PCNT: variants seen among roughly 807,000 people sequenced by gnomAD.
The protein encoded by PCNT is kendrin.
In PCNT, 319 loss-of-function variants were observed where a neutral mutation model predicts 380.4. That is an observed-to-expected ratio of 0.84 (90% CI 0.77 to 0.92). The LOEUF is 0.92. Ranked by LOEUF, PCNT falls within the 40% of genes least tolerant of loss-of-function variation. The pLI, the probability that PCNT is intolerant of heterozygous loss-of-function variation, is 0.00. For synonymous variants in PCNT, 1,845 were observed against 1,735.2 expected, an observed-to-expected ratio of 1.06 and a Z score of -1.57; for missense variants, 4,400 against 4,255.3, an observed-to-expected ratio of 1.03 and a Z score of -0.95.
rs1321370180 is a variant in PCNT at position 46,331,024 on chromosome 21, GTGTT to G, written c.268-3369_268-3366del. Among the ~76,000 whole-genome samples, 16 of 151,780 alleles carry G rather than the reference GTGTT, an allele frequency of 1.1e-4. 1 individual carries two copies. The highest frequency in any genetic ancestry group is 4.1e-4 in the South Asian group (2 of 4,824). ...GAACAGCATAAGAAGATAAGTGTGT[GTGTT>G]TGTGTGTGTGTGAGAGTGTGTGTAT... On this transcript the variant is annotated intron_variant, in intron 2 of 46. Coordinates refer to ENST00000359568, the MANE Select transcript of PCNT (RefSeq NM_006031.6).
In PCNT at chr21:46,353,122, T is replaced by C. The variant is rs776415290; in HGVS notation, c.1475T>C (p.Leu492Pro). 1 of 1,613,976 alleles carries C rather than the reference T, an allele frequency of 6.2e-7. No homozygotes were observed. Among genetic ancestry groups the C allele is most frequent in the South Asian group, 1.1e-5 (1 of 91,084 alleles). ...QELSELHEQL[L>P]ARTSRVEDLE... Reference sequence around the variant, plus strand: ...GTTGCAGAGCTACATGAGCAACTCCTGGCGCGCACCTCTCGTGTGGAAGAT... The same window carrying C: ...GTTGCAGAGCTACATGAGCAACTCCCGGCGCGCACCTCTCGTGTGGAAGAT... Residue 492 changes from leucine to proline, a missense_variant, in exon 10 of 47, where the codon CTG becomes CCG. Coordinates refer to ENST00000359568, the MANE Select transcript of PCNT (RefSeq NM_006031.6).
intron 5 of PCNT, 84 bp from the exon 6 acceptor site, chr21:46,347,373 C>T (rs898856069): frequency 8.0e-6 from 11 of 1,380,532 alleles, no homozygotes; most frequent in Non-Finnish European, 1.1e-5. Flanking sequence ...CAGTGGGTGC[C>T]AGAGCCTGGT....
intron 16 of PCNT, among the ~76,000 whole-genome samples, chr21:46,384,811 G>T (rs901678765): frequency 6.8e-6 from 1 of 147,514 alleles, no homozygotes; most frequent in South Asian, 2.2e-4. Flanking sequence ...GGTGTTGTGC[G>T]TTGAGCGGCG....
At chr21:46,325,487 G>A (rs2083355639) in intron 1 of PCNT, among the ~76,000 whole-genome samples, 1 of 152,224 alleles carries the variant, frequency 6.6e-6, no homozygotes, top group Non-Finnish European at 1.5e-5. Context: ...GGTGGAGGAG[G>A]ACATGAAAAT....
intron 15 of PCNT, among the ~76,000 whole-genome samples, chr21:46,370,950 G>A (rs1379912774): frequency 6.6e-6 from 1 of 152,206 alleles, no homozygotes; most frequent in Non-Finnish European, 1.5e-5. Context: ...CAGGAGAGTG[G>A]TGTGAACCCG....
chr21:46,388,856 C>T lies in PCNT; in HGVS notation c.3579C>T (p.Asp1193=), dbSNP rs141834183. 30 of 1,608,980 alleles carry T rather than the reference C, an allele frequency of 1.9e-5. No individual in the cohort carries two copies. The highest frequency in any genetic ancestry group is 6.7e-5 in the Admixed American group (4 of 59,896). The change falls in exon 18 of 47, where the codon GAC becomes GAT. Residue 1193 remains aspartate, a synonymous_variant. Transcript: ENST00000359568. The surrounding 1 kb of genome is among the most constrained non-coding windows in gnomAD (Gnocchi z 4.2). ...AGCGCGTGGGGCTCTGCCTGGATGA[C>T]GCGGGCGCAGGCCTGGCCCTGTCGA... ...IGERVGLCLD[D]AGAGLALSTA...
Position 46,413,302 on chromosome 21 carries a change from C to G in PCNT, c.6150+310C>G, listed in dbSNP as rs59956338. 2.8e-3 allele frequency among the ~76,000 whole-genome samples: 190 copies of G among 68,328 alleles called. 21 individuals carry two copies. Among genetic ancestry groups the G allele is most frequent in the Non-Finnish European group, 4.0e-3 (142 of 35,870 alleles). 44.8% of individuals were successfully genotyped at this position (68,328 alleles called of 152,430 possible). ...ACACGCGGCAGCAAGGTGTGGGGAA[C>G]GGGGAAGGCACGAGGCCCACCCGGG... On this transcript the variant is annotated intron_variant, in intron 29 of 46. Coordinates refer to ENST00000359568, the MANE Select transcript of PCNT (RefSeq NM_006031.6).
chr21:46,427,978 C>T lies in PCNT; in HGVS notation c.7494+183C>T, dbSNP rs572437634. Among the ~76,000 whole-genome samples the T allele has an allele frequency of 5.3e-5, 8 of 152,350 alleles. No homozygotes were observed. In the South Asian group the frequency reaches 1.7e-3, roughly 32 times the overall value. On this transcript the variant is annotated intron_variant, in intron 34 of 46. Transcript: ENST00000359568. ...CATGCAGGATGCTGCACTTTTCCAC[C>T]TGCAGCTGTAACAGGACAGGTGTGC...
chr21:46,325,002 C>G lies in PCNT; in HGVS notation c.54+720C>G, dbSNP rs929261226. On this transcript the variant is annotated intron_variant, in intron 1 of 46. Coordinates refer to ENST00000359568, the MANE Select transcript of PCNT (RefSeq NM_006031.6). The stretch of plus-strand genomic sequence containing the variant: ...CGGGCCTGGCGTACGCTGCCGGGAA[C>G]CCACGCGGCGCTGGCGCCGGGCGCC... 5 of 984,494 alleles carry G rather than the reference C, an allele frequency of 5.1e-6. No individual in the cohort carries two copies. The African/African-American group carries it at 8.7e-5, about 17-fold the overall frequency. The allele number at this position is 984,494 out of a possible 1,614,324, so 61.0% of individuals were successfully genotyped here.
chr21:46,352,654 T>C (rs962727147), intron 9 of PCNT, among the ~76,000 whole-genome samples: 1 of 152,338 alleles, frequency 6.6e-6, no homozygotes, highest in East Asian at 1.9e-4. Context: ...CTTGGTGGCC[T>C]AAAACAACAC....
intron 45 of PCNT, 43 bp downstream of exon 45, chr21:46,443,991 C>T (rs761095417): frequency 3.8e-5 from 60 of 1,597,968 alleles, no homozygotes; most frequent in Non-Finnish European, 4.9e-5. Context: ...CCAGGGCTCT[C>T]CCTCCAGCCT....
chr21:46,336,881 C>T (rs1569165999), intron 3 of PCNT, among the ~76,000 whole-genome samples: 1 of 128,450 alleles, frequency 7.8e-6, no homozygotes, highest in African/African-American at 2.6e-5. Context: ...TTCATTCTGC[C>T]CTCCCCCCCA....
intron 21 of PCNT, among the ~76,000 whole-genome samples, chr21:46,391,678 C>T (rs1298382530): frequency 1.3e-5 from 2 of 152,110 alleles, no homozygotes; most frequent in East Asian, 1.9e-4. Flanking sequence ...GAGGCAGAGC[C>T]GAGTGCGGCA....
chr21:46,432,599 C>T (rs1314927623), intron 38 of PCNT, among the ~76,000 whole-genome samples: 2 of 152,162 alleles, frequency 1.3e-5, no homozygotes, highest in Non-Finnish European at 1.5e-5. Context: ...GTCTTTTGAT[C>T]CACGATTACA....
rs569231855 is a variant in PCNT, at chr21:46,426,099, G to C, written c.7320+128G>C. The C allele has an allele frequency of 3.3e-4, 209 of 632,160 alleles. 20 individuals carry two copies. In the African/African-American group the frequency reaches 0.016, roughly 49 times the overall value. 39.2% of individuals were successfully genotyped at this position (632,160 alleles called of 1,614,324 possible). ...TTTTTTTTTTTTTTTTTTTTTTTGA[G>C]ACTCGGCTCACTGCAACCTCCACCA... On this transcript the variant is annotated intron_variant, in intron 33 of 46. Coordinates refer to ENST00000359568, the MANE Select transcript of PCNT (RefSeq NM_006031.6).
chr21:46,426,042 G>A, intron 33 of PCNT, 71 bp downstream of exon 33: 2 of 1,367,202 alleles, frequency 1.5e-6, no homozygotes, highest in Non-Finnish European at 2.1e-6. Flanking sequence ...CGCGTCCTTA[G>A]GGCCACGTGG....
At chr21:46,433,905 G>A (rs1443331542) in intron 38 of PCNT, among the ~76,000 whole-genome samples, 1 of 152,166 alleles carries the variant, frequency 6.6e-6, no homozygotes, top group Non-Finnish European at 1.5e-5. Context: ...CTGAGTAGCT[G>A]GGATTACAGG....
chr21:46,423,798 AGAGAAGGGGGAGTGGGAGGG>A (rs2087366432), intron 32 of PCNT, among the ~76,000 whole-genome samples: 2 of 53,348 alleles, frequency 3.7e-5, no homozygotes, highest in African/African-American at 6.8e-5. Flanking sequence ...GGGAGGAGGA[AGAGAAGGGGGAGTGGGAGGG>A]GAGGAGGGGG....
At chr21:46,443,719 T>C (rs1429746560) in intron 44 of PCNT, 91 bp from the exon 45 acceptor site, 7 of 1,254,832 alleles carry the variant, frequency 5.6e-6, no homozygotes, top group Non-Finnish European at 8.2e-6. Flanking sequence ...TCTTAAAAGC[T>C]TATACGTTTA....
Sources: allele counts gnomAD v4.1 joint callset (sites outside exome capture counted in the v4.1 genomes callset), GRCh38; gene constraint gnomAD v4.1.1; non-coding constraint Gnocchi (gnomAD v3.1); transcripts MANE v1.5; gene names NCBI Gene and HGNC (gene_info 2026-07-23, HGNC 2026-07-21).